KLF8: variants seen among roughly 807,000 people sequenced by gnomAD.
The protein encoded by KLF8 is Krueppel-like factor 8.
In KLF8, 10 loss-of-function variants were observed where a neutral mutation model predicts 18.2. The observed-to-expected ratio is 0.55, with a 90% CI of 0.34 to 0.93. The LOEUF is 0.93. Ranked by LOEUF, KLF8 falls within the 40% of genes least tolerant of loss-of-function variation. The probability of loss-of-function intolerance (pLI) is 0.02; values close to 1 mark genes in which losing one functional copy is unlikely to be tolerated. For synonymous variants in KLF8, 109 were observed against 97.3 expected, an observed-to-expected ratio of 1.12 and a Z score of -0.71; for missense variants, 264 against 277.9, an observed-to-expected ratio of 0.95 and a Z score of 0.36.
At chrX:56,187,873 T>C in the KLF8 span, among the ~76,000 whole-genome samples, 1 of 111,835 alleles carries the variant, frequency 8.9e-6, no homozygotes, top group East Asian at 2.8e-4. Context: ...AGGACGTATC[T>C]CAAAATAATA....
chrX:56,155,225 A>C, the KLF8 span, among the ~76,000 whole-genome samples: 2 of 111,938 alleles, frequency 1.8e-5, no homozygotes, highest in East Asian at 5.6e-4. Context: ...ACAATGATAG[A>C]CTGGATTAAG....
the KLF8 span, among the ~76,000 whole-genome samples, chrX:56,046,546 T>C: frequency 9.0e-6 from 1 of 110,790 alleles, no homozygotes; most frequent in Non-Finnish European, 1.9e-5. Flanking sequence ...TGAGGGTACT[T>C]TTAGAAGTTC....
chrX:56,051,861 TG>T, the KLF8 span, among the ~76,000 whole-genome samples: 211 of 108,717 alleles, frequency 1.9e-3, no homozygotes, highest in African/African-American at 7.3e-3. Context: ...CCCTGCAGAG[TG>T]TTTTCCAACT....
At chrX:55,950,229 G>A in the KLF8 span, among the ~76,000 whole-genome samples, 1 of 110,641 alleles carries the variant, frequency 9.0e-6, no homozygotes, top group African/African-American at 3.3e-5. Flanking sequence ...ATGAACATGT[G>A]GCACATCTAA....
At chrX:56,068,989 C>A in the KLF8 span, among the ~76,000 whole-genome samples, 1 of 112,165 alleles carries the variant, frequency 8.9e-6, no homozygotes, top group African/African-American at 3.2e-5. Context: ...CTCCACCCAC[C>A]CTGACCACTA....
At chrX:55,908,657 T>G in the KLF8 span, 1 of 281,781 alleles carries the variant, frequency 3.5e-6, no homozygotes, top group Non-Finnish European at 6.2e-6. Flanking sequence ...TCGGTGCCCA[T>G]TCCCCCTAAC....
At chrX:56,118,826 G>T in the KLF8 span, among the ~76,000 whole-genome samples, 4 of 111,884 alleles carry the variant, frequency 3.6e-5, no homozygotes, top group East Asian at 8.4e-4. Flanking sequence ...AGCTCTGCTG[G>T]TCTGAAGTTT....
At chrX:55,992,833 C>T in the KLF8 span, among the ~76,000 whole-genome samples, 1 of 111,046 alleles carries the variant, frequency 9.0e-6, no homozygotes, top group African/African-American at 3.3e-5. Flanking sequence ...TAGCTGTATT[C>T]CTAGTTATTT....
the KLF8 span, among the ~76,000 whole-genome samples, chrX:55,989,024 A>T: frequency 1.8e-5 from 2 of 111,637 alleles, no homozygotes; most frequent in Non-Finnish European, 3.8e-5. Context: ...GGTGTATAAG[A>T]ATGCTTGTGA....
the KLF8 span, among the ~76,000 whole-genome samples, chrX:55,939,603 G>A: frequency 9.0e-6 from 1 of 111,043 alleles, no homozygotes; most frequent in African/African-American, 3.3e-5. Context: ...TTTTTGGAAA[G>A]ATCAACAAAA....
At chrX:55,936,322 C>G in the KLF8 span, among the ~76,000 whole-genome samples, 1 of 111,725 alleles carries the variant, frequency 9.0e-6, no homozygotes, top group African/African-American at 3.2e-5. Context: ...CAGTGGTGAA[C>G]AAGACAAAAA....
At chrX:56,177,601 C>T in the KLF8 span, among the ~76,000 whole-genome samples, 1 of 111,475 alleles carries the variant, frequency 9.0e-6, no homozygotes, top group East Asian at 2.8e-4. Context: ...CAGCTGTGTG[C>T]TGGGAGAACC....
chrX:56,174,834 T>C, the KLF8 span, among the ~76,000 whole-genome samples: 19 of 112,010 alleles, frequency 1.7e-4, no homozygotes, highest in African/African-American at 6.2e-4. Flanking sequence ...GGATGGTGTA[T>C]GTGTCCAGGA....
the KLF8 span, among the ~76,000 whole-genome samples, chrX:56,167,036 C>T: frequency 8.9e-6 from 1 of 112,188 alleles, no homozygotes; most frequent in African/African-American, 3.2e-5. Flanking sequence ...TCTAAAAGGA[C>T]AATGAGTGAA....
the KLF8 span, among the ~76,000 whole-genome samples, chrX:55,938,138 C>T: frequency 6.3e-5 from 7 of 111,771 alleles, no homozygotes; most frequent in Non-Finnish European, 1.3e-4. Context: ...GGTCGGGTTA[C>T]CCACAAAGTG....
chrX:56,187,341 C>T, the KLF8 span, among the ~76,000 whole-genome samples: 1 of 111,478 alleles, frequency 9.0e-6, no homozygotes, highest in Admixed American at 9.5e-5. Flanking sequence ...TGAATCTCTG[C>T]ATAGACCAAT....
the KLF8 span, among the ~76,000 whole-genome samples, chrX:56,078,637 C>T: frequency 8.9e-6 from 1 of 111,840 alleles, no homozygotes; most frequent in East Asian, 2.8e-4. Context: ...GCTTTGGTAT[C>T]AGGATGATGC....
chrX:56,237,854 C>A (rs999784353), intron 1 of KLF8, among the ~76,000 whole-genome samples: 1 of 111,614 alleles, frequency 9.0e-6, no homozygotes, highest in Non-Finnish European at 1.9e-5. Context: ...CTCTTTCTGA[C>A]CTGTAGAAGG....
At chrX:56,274,397 A>G (rs1386315613) in intron 5 of KLF8, among the ~76,000 whole-genome samples, 1 of 111,622 alleles carries the variant, frequency 9.0e-6, no homozygotes, top group Non-Finnish European at 1.9e-5. Flanking sequence ...AACTCTTTGT[A>G]TGTTCTGATT....
Sources: allele counts gnomAD v4.1 joint callset (sites outside exome capture counted in the v4.1 genomes callset), GRCh38; gene constraint gnomAD v4.1.1; transcripts MANE v1.5; gene names NCBI Gene and HGNC (gene_info 2026-07-23, HGNC 2026-07-21).